Variants in ATP7B observed in about 807,000 individuals in gnomAD.
ATP7B encodes ATPase copper transporting beta, also known as copper-transporting ATPase 2.
A neutral mutation model predicts 118.9 loss-of-function variants in ATP7B; 113 were observed. That is an observed-to-expected ratio of 0.95 (90% CI 0.82 to 1.11). ATP7B has a LOEUF of 1.11. ATP7B is among the 50% of genes most tolerant of loss of function. The pLI is 0.00. For missense variants in ATP7B, 1,867 were observed against 1,871.4 expected (o/e 1.00, Z 0.04); for synonymous variants, 777 against 727.4 (o/e 1.07, Z -1.10).
intron 7 of ATP7B, chr13:51,959,428 G>A (rs1364233403): frequency 6.6e-6 from 1 of 150,470 alleles, no homozygotes; most frequent in Non-Finnish European, 1.5e-5. Context: ...AGGATCGCTT[G>A]AGCCCAGGAG....
rs138283855 is a variant in ATP7B, at chr13:51,994,760, G to C, written c.51+16527C>G. Among the ~76,000 whole-genome samples the C allele has an allele frequency of 5.8e-3, 877 of 152,292 alleles. 9 individuals carry two copies. Among genetic ancestry groups the C allele is most frequent in the African/African-American group, 0.02 (831 of 41,548 alleles). Reference sequence around the variant, plus strand: ...TGAAACCTTCCTTTGTATCTAACTAGTAAATGCCTTCAAAAGTTGTTTTTT... The same window carrying C: ...TGAAACCTTCCTTTGTATCTAACTACTAAATGCCTTCAAAAGTTGTTTTTT... On this transcript the variant is annotated intron_variant, in intron 1 of 20. Transcript: ENST00000242839.
At chr13:51,971,636 T>C (rs1052692649) in intron 2 of ATP7B, among the ~76,000 whole-genome samples, 2 of 152,252 alleles carry the variant, frequency 1.3e-5, no homozygotes, top group Non-Finnish European at 2.9e-5. Context: ...GATTTACTGT[T>C]CTATTGTGTT....
Position 51,960,092 on chromosome 13 carries a change from T to G in ATP7B, c.2121+56A>C, listed in dbSNP as rs1388244853. On this transcript the variant is annotated intron_variant, in intron 7 of 20. Coordinates refer to ENST00000242839, the MANE Select transcript of ATP7B (RefSeq NM_000053.4). ...ATGTTTGCGCTTAGCGGGCAGAATA[T>G]CTGAGGGCCACACACAGCATGGAAG... 4.4e-6 allele frequency: 7 copies of G among 1,579,442 alleles called. No homozygotes were observed. In the African/African-American group the frequency reaches 9.5e-5, roughly 21 times the overall value.
At chr13:51,936,210 G>A (rs61957425) in intron 19 of ATP7B, among the ~76,000 whole-genome samples, 6,486 of 152,266 alleles carry the variant, frequency 0.043, 215 homozygotes, top group South Asian at 0.11. Flanking sequence ...AACTTTGTGT[G>A]GCAGAGGCAC....
intron 19 of ATP7B, among the ~76,000 whole-genome samples, 156 bp downstream of exon 19, chr13:51,937,120 C>A (rs1429064609): frequency 2.8e-5 from 4 of 144,834 alleles, no homozygotes; most frequent in African/African-American, 1.0e-4. Flanking sequence ...CATTTAAAGA[C>A]ATATAAAGCA....
At chr13:51,960,705 C>T (rs949230590) in intron 6 of ATP7B, among the ~76,000 whole-genome samples, 1 of 151,890 alleles carries the variant, frequency 6.6e-6, no homozygotes, top group African/African-American at 2.4e-5. Flanking sequence ...ATACAGACCC[C>T]CAAAGAAAAA....
At chr13:51,957,705 C>T (rs1593723376) in intron 8 of ATP7B, 98 bp from the exon 9 acceptor site, 12 of 1,200,504 alleles carry the variant, frequency 1.0e-5, no homozygotes, top group Admixed American at 1.7e-5. Flanking sequence ...ACAGCTGGTG[C>T]GAGAGAAACA....
intron 12 of ATP7B, chr13:51,946,697 G>A (rs1041042422): frequency 2.7e-5 from 17 of 621,452 alleles, no homozygotes; most frequent in Non-Finnish European, 1.1e-5. Context: ...TTCCCTCAAA[G>A]AGGCATTACA....
chr13:52,005,916 T>C (rs1028959240), intron 1 of ATP7B, among the ~76,000 whole-genome samples: 1 of 152,190 alleles, frequency 6.6e-6, no homozygotes, highest in South Asian at 2.1e-4. Context: ...ATGATGGCCG[T>C]AACGCCCACG....
intron 2 of ATP7B, 46 bp downstream of exon 2, chr13:51,973,889 G>A (rs769277843): frequency 1.9e-6 from 3 of 1,613,342 alleles, no homozygotes; most frequent in Non-Finnish European, 2.5e-6. Context: ...AAGACACAAA[G>A]AGAAAAGGAG....
intron 14 of ATP7B, among the ~76,000 whole-genome samples, chr13:51,943,312 G>A (rs1957449556): frequency 6.6e-6 from 1 of 152,164 alleles, no homozygotes; most frequent in South Asian, 2.1e-4. Context: ...ACAAATAAAG[G>A]ATGACTGAGG....
chr13:52,000,240 G>A (rs915490411), intron 1 of ATP7B, among the ~76,000 whole-genome samples: 1 of 152,236 alleles, frequency 6.6e-6, no homozygotes, highest in Admixed American at 6.5e-5. Context: ...AGGAACCTGG[G>A]AAGTCCCAGA....
At position 51,974,263 on chromosome 13, in the gene ATP7B, TG is replaced by T. The variant is rs753674382; in HGVS notation, c.956del (p.Pro319HisfsTer44). On this transcript the variant is annotated frameshift_variant, in exon 2 of 21. Transcript: ENST00000242839. LOFTEE classifies it high-confidence loss of function. ...VALQRAIEAL[P>X]PGNFKVSLPD... ...GAAGAGAAACTTTAAAATTCCCAGG[TG>T]GAAGTGCCTCGATAGCCCTCTGCAG... The T allele has an allele frequency of 1.9e-6, 3 of 1,613,986 alleles. No individual in the cohort carries two copies. Among genetic ancestry groups the T allele is most frequent in the Non-Finnish European group, 2.5e-6 (3 of 1,179,980 alleles).
chr13:52,009,814 G>A (rs1387372027), intron 1 of ATP7B, among the ~76,000 whole-genome samples: 1 of 152,008 alleles, frequency 6.6e-6, no homozygotes, highest in Non-Finnish European at 1.5e-5. Context: ...AGTACTATGT[G>A]TTTGAGCACA....
intron 3 of ATP7B, among the ~76,000 whole-genome samples, chr13:51,969,137 A>T (rs28714514): frequency 0.045 from 6,467 of 144,382 alleles, 366 homozygotes; most frequent in African/African-American, 0.13. Flanking sequence ...ATTTTTTTTT[A>T]AAAAAAAAAA....
chr13:51,942,524 T>TGG lies in ATP7B; in HGVS notation c.3273_3274insCC (p.Thr1092ProfsTer30). On this transcript the variant is annotated frameshift_variant, in exon 15 of 21. Transcript: ENST00000242839. LOFTEE classifies it high-confidence loss of function. ...CAGCCTGGCACTGCCTGGAAGTCCG[T>TGG]GCAGTATCCCAAGGTCTCTGTTCCA... The TGG allele has an allele frequency of 1.9e-6, 3 of 1,614,048 alleles. No homozygotes were observed. Among genetic ancestry groups the TGG allele is most frequent in the Non-Finnish European group, 2.5e-6 (3 of 1,179,996 alleles).
rs772703155 is a variant in ATP7B at position 51,946,458 on chromosome 13, G to C, written c.2886C>G (p.Ser962=). The C allele has an allele frequency of 6.2e-7, 1 of 1,614,086 alleles. No individual in the cohort carries two copies. The highest frequency in any genetic ancestry group is 8.5e-7 in the Non-Finnish European group (1 of 1,180,038). ...CAAACCGGATGATCACCTCTGTCTG[G>C]GAGATGTGCTTGTTGGGGTTCTGAA... ...RYFPNPNKHI[S]QTEVIIRFAF... Residue 962 remains serine (S), a synonymous_variant, in exon 13 of 21, where the codon TCC becomes TCG. Coordinates refer to ENST00000242839, the MANE Select transcript of ATP7B (RefSeq NM_000053.4).
chr13:51,985,445 T>TA lies in ATP7B; in HGVS notation c.52-10278dup, dbSNP rs537548900. Among the ~76,000 whole-genome samples the TA allele has an allele frequency of 3.3e-3, 510 of 152,284 alleles. 3 individuals are homozygous for TA. The highest frequency in any genetic ancestry group is 0.012 in the African/African-American group (494 of 41,546). The stretch of plus-strand genomic sequence containing the variant: ...GTTCTTAGAGACCTACAAAAAGACT[T>TA]AGACTTCCACACAGTAATAGTGGGA... On this transcript the variant is annotated intron_variant, in intron 1 of 20. Transcript: ENST00000242839.
chr13:51,965,943 G>A (rs568357536), intron 4 of ATP7B, among the ~76,000 whole-genome samples: 39 of 152,326 alleles, frequency 2.6e-4, no homozygotes, highest in Non-Finnish European at 5.6e-4. Flanking sequence ...GGAGGAAGAA[G>A]AGGGGAGCTC....
Sources: allele counts gnomAD v4.1 joint callset (sites outside exome capture counted in the v4.1 genomes callset), GRCh38; gene constraint gnomAD v4.1.1; transcripts MANE v1.5; gene names NCBI Gene and HGNC (gene_info 2026-07-23, HGNC 2026-07-21).